The following ZC3H7A variants were observed in gnomAD, a reference collection of about 807,000 sequenced individuals.
The protein encoded by ZC3H7A is zinc finger CCCH domain-containing protein 7A.
In ZC3H7A, 44 loss-of-function variants were observed where a neutral mutation model predicts 125.5. The observed-to-expected ratio is 0.35, with a 90% CI of 0.28 to 0.45. The LOEUF (loss-of-function observed/expected upper bound fraction) is 0.45, where lower values mean the gene tolerates loss of function less well. ZC3H7A is among the 20% of genes least tolerant of loss of function. ZC3H7A has a pLI of 1.00. For missense variants in ZC3H7A, 977 were observed against 1,170.7 expected (o/e 0.83, Z 2.41); for synonymous variants, 399 against 391.2 (o/e 1.02, Z -0.23).
chr16:11,782,148 A>T, intron 2 of ZC3H7A, 139 bp downstream of exon 2: 1 of 903,666 alleles, frequency 1.1e-6, no homozygotes, highest in Non-Finnish European at 1.7e-6. Context: ...AGAAAAAAAT[A>T]TTGCTAGAAT....
intron 1 of ZC3H7A, among the ~76,000 whole-genome samples, chr16:11,787,377 C>T (rs2053272742): frequency 6.6e-6 from 1 of 152,176 alleles, no homozygotes. Flanking sequence ...CAAACCACTA[C>T]TGTAATTTCT....
rs927835996 is a variant in ZC3H7A at position 11,770,857 on chromosome 16, T to C, written c.1034A>G (p.Tyr345Cys). The C allele has an allele frequency of 1.9e-5, 31 of 1,613,964 alleles. No homozygotes were observed. Among genetic ancestry groups the C allele is most frequent in the Non-Finnish European group, 2.6e-5 (31 of 1,180,000 alleles). ...YAPPPSFSEF[Y>C]PPLTSSLEDF... The stretch of plus-strand genomic sequence containing the variant: ...TTCTAAGGATGAAGTCAAAGGTGGA[T>C]AAAATTCTGAGAAGGAGGGTGGAGG... The change falls in exon 10 of 23, where the codon TAT becomes TGT. Residue 345 changes from tyrosine to cysteine, a missense_variant. Physicochemically the swap from Tyr to Cys is radical, Grantham distance 194. Around this residue, in one of 3 missense-constraint regions of ZC3H7A, gnomAD observed 342 missense variants for 311.3 expected, o/e 1.10. Coordinates refer to ENST00000355758, the MANE Select transcript of ZC3H7A (RefSeq NM_014153.4).
chr16:11,769,162 A>G, intron 10 of ZC3H7A, 67 bp from the exon 11 acceptor site: 1 of 1,392,160 alleles, frequency 7.2e-7, no homozygotes, highest in South Asian at 1.3e-5. Context: ...ATCAGGGCTT[A>G]GTAGCTTACT....
At chr16:11,755,483 G>A (rs1270830115) in intron 21 of ZC3H7A, among the ~76,000 whole-genome samples, 1 of 152,114 alleles carries the variant, frequency 6.6e-6, no homozygotes, top group African/African-American at 2.4e-5. Flanking sequence ...GTAACTTAAT[G>A]TCCCCAAGAA....
intron 19 of ZC3H7A, among the ~76,000 whole-genome samples, chr16:11,760,022 G>A (rs2052717709): frequency 6.6e-6 from 1 of 150,510 alleles, no homozygotes; most frequent in African/African-American, 2.4e-5. Context: ...GGGAGGCTGA[G>A]GCAGAAGAAT....
intron 15 of ZC3H7A, among the ~76,000 whole-genome samples, chr16:11,764,734 C>CA (rs2052824966): frequency 6.6e-6 from 1 of 151,662 alleles, no homozygotes. Flanking sequence ...AAAAAACAAA[C>CA]AAAAAAACCA....
intron 1 of ZC3H7A, among the ~76,000 whole-genome samples, chr16:11,792,313 T>C (rs1206961781): frequency 6.6e-6 from 1 of 152,214 alleles, no homozygotes; most frequent in Non-Finnish European, 1.5e-5. Context: ...CTCTCTGGGA[T>C]CAGCTGATTT....
At chr16:11,763,873 G>A (rs1268003010) in intron 15 of ZC3H7A, among the ~76,000 whole-genome samples, 7 of 146,534 alleles carry the variant, frequency 4.8e-5, no homozygotes, top group South Asian at 2.2e-4. Context: ...GCGCGATCTC[G>A]GCTCACTGCA....
chr16:11,783,715 T>G (rs1309801718), intron 1 of ZC3H7A, among the ~76,000 whole-genome samples: 1 of 152,238 alleles, frequency 6.6e-6, no homozygotes, highest in Non-Finnish European at 1.5e-5. Flanking sequence ...CACTCATGTT[T>G]GAAGTACATT....
At position 11,765,551 on chromosome 16, in the gene ZC3H7A, T is replaced by C. The variant is rs768252016; in HGVS notation, c.1657A>G (p.Ile553Val). The change falls in exon 14 of 23, where the codon ATT becomes GTT. Residue 553 changes from isoleucine to valine, a missense_variant. Coordinates refer to ENST00000355758, the MANE Select transcript of ZC3H7A (RefSeq NM_014153.4). This position sits in a 1 kb window ranked among gnomAD's most constrained non-coding sequence, Gnocchi z 4.8. ...REAFFGGNGK[I>V]NLTVFKLLQE... Reference sequence around the variant, plus strand: ...AGAAGTTTGAACACAGTAAGGTTAATCTTTCCATTGCCGCCAAAGAAAGCC... The same window carrying C: ...AGAAGTTTGAACACAGTAAGGTTAACCTTTCCATTGCCGCCAAAGAAAGCC... 1 of 1,614,082 alleles carries C rather than the reference T, an allele frequency of 6.2e-7. No individual in the cohort carries two copies. Among genetic ancestry groups the C allele is most frequent in the East Asian group, 2.2e-5 (1 of 44,902 alleles).
In ZC3H7A at chr16:11,770,794, T is replaced by A. The variant is rs766493831; in HGVS notation, c.1097A>T (p.Glu366Val). 1 of 1,612,664 alleles carries A rather than the reference T, an allele frequency of 6.2e-7. No individual in the cohort carries two copies. The highest frequency in any genetic ancestry group is 8.5e-7 in the Non-Finnish European group (1 of 1,179,178). The change falls in exon 10 of 23, where the codon GAA becomes GTA. Residue 366 changes from glutamate (E) to valine (V), a missense_variant. Glu to Val is a moderately radical substitution (Grantham distance 121). This residue lies in a region of ZC3H7A where 342 missense variants were observed against 311.3 expected (regional missense o/e 1.10). Transcript: ENST00000355758. ...GATTTGGTTCTTACCTCGTTTGGATTCACTCATTGAAAATGAATTTAAAGA... is the reference window on the plus strand; with the variant it reads ...GATTTGGTTCTTACCTCGTTTGGATACACTCATTGAAAATGAATTTAAAGA... ...CSSLNSFSMS[E>V]SKRDLSTSTS...
chr16:11,796,534 G>GCCTGA (rs1434137285), intron 1 of ZC3H7A: 2 of 152,546 alleles, frequency 1.3e-5, no homozygotes, highest in Non-Finnish European at 2.9e-5. Flanking sequence ...TGCTGCCCAG[G>GCCTGA]CCTGACCGGA....
intron 1 of ZC3H7A, among the ~76,000 whole-genome samples, chr16:11,787,519 T>G (rs537267393): frequency 1.3e-5 from 2 of 152,260 alleles, no homozygotes; most frequent in African/African-American, 4.8e-5. Flanking sequence ...TAGAGTACAG[T>G]GGTGTGATCA....
intron 2 of ZC3H7A, 26 bp downstream of exon 2, chr16:11,782,261 G>A: frequency 1.2e-6 from 2 of 1,613,604 alleles, no homozygotes; most frequent in Non-Finnish European, 1.7e-6. Context: ...GACGCGGCAA[G>A]AACACAAGAA....
intron 1 of ZC3H7A, among the ~76,000 whole-genome samples, chr16:11,787,947 CAAAGA>C (rs2053284683): frequency 6.7e-6 from 1 of 148,432 alleles, no homozygotes; most frequent in African/African-American, 2.5e-5. Context: ...ACTTCGTTTC[CAAAGA>C]AAAAAAAAAA....
At chr16:11,789,557 C>A (rs1004248890) in intron 1 of ZC3H7A, among the ~76,000 whole-genome samples, 1 of 152,094 alleles carries the variant, frequency 6.6e-6, no homozygotes, top group Non-Finnish European at 1.5e-5. Flanking sequence ...CCCGGCCGTG[C>A]ATATGTTCTT....
intron 1 of ZC3H7A, 85 bp downstream of exon 1, chr16:11,797,039 G>A (rs929402116): frequency 1.4e-5 from 2 of 144,640 alleles, no homozygotes; most frequent in Non-Finnish European, 3.1e-5. Context: ...CCGCGCGCGA[G>A]CACGAGGCGG....
chr16:11,780,005 GA>G (rs2053148953), intron 3 of ZC3H7A, among the ~76,000 whole-genome samples: 1 of 152,062 alleles, frequency 6.6e-6, no homozygotes, highest in Admixed American at 6.5e-5. Context: ...GATTTGGGGG[GA>G]GGGGGATGTT....
chr16:11,785,028 C>T (rs1227926188), intron 1 of ZC3H7A, among the ~76,000 whole-genome samples: 2 of 151,646 alleles, frequency 1.3e-5, no homozygotes, highest in Admixed American at 6.6e-5. Flanking sequence ...CGTGGTGGCA[C>T]ATGCCTATAA....
Sources: allele counts gnomAD v4.1 joint callset (sites outside exome capture counted in the v4.1 genomes callset), GRCh38; gene constraint gnomAD v4.1.1; regional missense constraint gnomAD v4.1.1; non-coding constraint Gnocchi (gnomAD v3.1); transcripts MANE v1.5; gene names NCBI Gene and HGNC (gene_info 2026-07-23, HGNC 2026-07-21).